The following GRIP1 variants were observed in gnomAD, a reference collection of about 807,000 sequenced individuals.
GRIP1 encodes the protein glutamate receptor-interacting protein 1.
GRIP1 carries 45 observed loss-of-function variants against 129.9 expected under a neutral mutation model. That is an observed-to-expected ratio of 0.35 (90% CI 0.27 to 0.44). GRIP1 has a LOEUF of 0.44. Ranked by LOEUF, GRIP1 falls within the 20% of genes least tolerant of loss-of-function variation. GRIP1 has a pLI of 1.00. For synonymous variants in GRIP1, 530 were observed against 520.8 expected, an observed-to-expected ratio of 1.02 and a Z score of -0.24; for missense variants, 1,196 against 1,396.8, an observed-to-expected ratio of 0.86 and a Z score of 2.29.
At chr12:66,975,871 T>C (rs2042143662) in intron 1 of GRIP1, among the ~76,000 whole-genome samples, 1 of 152,168 alleles carries the variant, frequency 6.6e-6, no homozygotes, top group South Asian at 2.1e-4. Context: ...GCACAGCTGT[T>C]AAGAGCCATG....
intron 1 of GRIP1, among the ~76,000 whole-genome samples, chr12:67,066,681 T>G (rs2043631463): frequency 6.6e-6 from 1 of 151,942 alleles, no homozygotes; most frequent in Admixed American, 6.6e-5. Flanking sequence ...TGTTTATATT[T>G]AAAAGAATCC....
At chr12:66,649,718 T>C (rs953718106) in intron 1 of GRIP1, among the ~76,000 whole-genome samples, 2 of 152,154 alleles carry the variant, frequency 1.3e-5, no homozygotes, top group Non-Finnish European at 2.9e-5. Context: ...GACAGGGTAG[T>C]TAAACTAGGA....
At chr12:66,393,132 T>C (rs554735671) in intron 17 of GRIP1, among the ~76,000 whole-genome samples, 157 of 151,264 alleles carry the variant, frequency 1.0e-3, no homozygotes, top group African/African-American at 3.6e-3. Context: ...GAATGACAAA[T>C]GTAGTGGATA....
chr12:67,049,126 C>T (rs1279295231), intron 1 of GRIP1, among the ~76,000 whole-genome samples: 1 of 152,096 alleles, frequency 6.6e-6, no homozygotes, highest in African/African-American at 2.4e-5. Context: ...CACTCAGAAC[C>T]ATGCACCGTT....
rs1239612176 is a variant in GRIP1 at position 66,377,068 on chromosome 12, A to G, written c.2734-7T>C. On this transcript the variant is annotated splice_region_variant and splice_polypyrimidine_tract_variant and intron_variant, in intron 21 of 24. Transcript: ENST00000359742. ...CACGCCTGTCAGCTTTCTCCTGTGG[A>G]AAGGGTTAAAGCTTTTAAATGAACT... 8 of 1,610,072 alleles carry G rather than the reference A, an allele frequency of 5.0e-6. No individual in the cohort carries two copies. Among genetic ancestry groups the G allele is most frequent in the African/African-American group, 2.7e-5 (2 of 74,966 alleles).
At chr12:67,044,189 A>G (rs1230850392) in intron 1 of GRIP1, among the ~76,000 whole-genome samples, 1 of 152,200 alleles carries the variant, frequency 6.6e-6, no homozygotes. Flanking sequence ...CCAGGGGGAT[A>G]TAGAGGAGTA....
At chr12:66,544,688 A>G (rs1032055069) in intron 2 of GRIP1, among the ~76,000 whole-genome samples, 1 of 152,170 alleles carries the variant, frequency 6.6e-6, no homozygotes, top group East Asian at 1.9e-4. Context: ...GCCAATAAGT[A>G]TCTCTGGTCC....
intron 1 of GRIP1, among the ~76,000 whole-genome samples, chr12:66,691,805 G>A (rs949554535): frequency 3.9e-5 from 6 of 152,116 alleles, no homozygotes; most frequent in South Asian, 2.1e-4. Flanking sequence ...AAATGCAGGC[G>A]CTTAATTGAT....
intron 19 of GRIP1, among the ~76,000 whole-genome samples, chr12:66,390,968 T>A (rs1233935922): frequency 6.6e-6 from 1 of 152,240 alleles, no homozygotes; most frequent in African/African-American, 2.4e-5. Flanking sequence ...TCCAGTATCA[T>A]CTCTAATGAA....
chr12:66,931,054 C>G (rs182971622), intron 1 of GRIP1, among the ~76,000 whole-genome samples: 13 of 152,310 alleles, frequency 8.5e-5, no homozygotes, highest in Admixed American at 8.5e-4. Flanking sequence ...TTGTTCTGCC[C>G]TGTTGTTTTC....
rs202029416 is a variant in GRIP1, at chr12:66,406,394, C to T, written c.1873G>A (p.Ala625Thr). ...TTGTCCAGCCGGATATTATCTATTGCGAGCAATTTATCCCCAAGTTCCAGG... is the reference window on the plus strand; with the variant it reads ...TTGTCCAGCCGGATATTATCTATTGTGAGCAATTTATCCCCAAGTTCCAGG... Reference protein sequence around the residue: ...GTLELGDKLLAIDNIRLDNCS... With the variant: ...GTLELGDKLLTIDNIRLDNCS... The change falls in exon 16 of 25, where the codon GCA becomes ACA. Residue 625 changes from alanine (A) to threonine (T), a missense_variant. Around this residue, in one of 5 missense-constraint regions of GRIP1, gnomAD observed 508 missense variants for 587.0 expected, o/e 0.87. Transcript: ENST00000359742. 1.9e-4 allele frequency: 305 copies of T among 1,613,992 alleles called. No individual in the cohort carries two copies. Among genetic ancestry groups the T allele is most frequent in the African/African-American group, 1.5e-3 (115 of 75,042 alleles).
intron 1 of GRIP1, among the ~76,000 whole-genome samples, chr12:66,736,400 A>C (rs2036603894): frequency 2.4e-5 from 2 of 83,660 alleles, no homozygotes; most frequent in Non-Finnish European, 2.4e-5. Flanking sequence ...TTTAGGATAC[A>C]GGGTCTTGCT....
chr12:66,448,769 A>C (rs1297859295), intron 11 of GRIP1, among the ~76,000 whole-genome samples: 1 of 152,206 alleles, frequency 6.6e-6, no homozygotes. Flanking sequence ...ACTTCTAACT[A>C]GTGACCCTGC....
intron 1 of GRIP1, among the ~76,000 whole-genome samples, chr12:66,781,875 T>C (rs2038172038): frequency 6.6e-6 from 1 of 152,210 alleles, no homozygotes; most frequent in Non-Finnish European, 1.5e-5. Context: ...GCAATATCTA[T>C]CAAAGCTGAA....
rs911982821 is a variant in GRIP1, at chr12:66,712,250, G to A, written c.-419-81914C>T. On this transcript the variant is annotated intron_variant, in intron 1 of 4. Coordinates refer to the GRIP1 transcript ENST00000538373. The stretch of plus-strand genomic sequence containing the variant: ...TTAGTAAATCATTATACAAAAGTAT[G>A]GTACTTTTGGTCAAAGGTAATGGAT... Among the ~76,000 whole-genome samples, 3 of 151,666 alleles carry A rather than the reference G, an allele frequency of 2.0e-5. No homozygotes were observed. The South Asian group carries it at 6.2e-4, about 31-fold the overall frequency.
intron 1 of GRIP1, among the ~76,000 whole-genome samples, chr12:66,809,761 G>A (rs2039068332): frequency 1.3e-5 from 2 of 151,376 alleles, no homozygotes; most frequent in Admixed American, 1.3e-4. Flanking sequence ...TCAGGGTCAA[G>A]CGATCCTCCC....
rs116821031 is a variant in GRIP1 at position 66,947,544 on chromosome 12, G to A, written c.58+121506C>T. 4.7e-3 allele frequency among the ~76,000 whole-genome samples: 722 copies of A among 152,258 alleles called. 7 individuals are homozygous for A. The highest frequency in any genetic ancestry group is 0.016 in the African/African-American group (675 of 41,550). ...TGAAGGAGATGAAAACAGTTGATAC[G>A]GTACATGCTGCTTCATGAGTTTAGC... On this transcript the variant is annotated intron_variant, in intron 1 of 1. Transcript: ENST00000643019.
At chr12:67,001,732 A>G (rs2042553682) in intron 1 of GRIP1, among the ~76,000 whole-genome samples, 1 of 151,396 alleles carries the variant, frequency 6.6e-6, no homozygotes, top group Admixed American at 6.6e-5. Context: ...AGACCCCACC[A>G]CTCACTCTTG....
chr12:66,472,500 G>A (rs2059466292), intron 7 of GRIP1, among the ~76,000 whole-genome samples: 1 of 152,124 alleles, frequency 6.6e-6, no homozygotes, highest in Non-Finnish European at 1.5e-5. Context: ...TGGTCAAAAT[G>A]CTTACAAAAA....
Sources: allele counts gnomAD v4.1 joint callset (sites outside exome capture counted in the v4.1 genomes callset), GRCh38; gene constraint gnomAD v4.1.1; regional missense constraint gnomAD v4.1.1; transcripts MANE v1.5; gene names NCBI Gene and HGNC (gene_info 2026-07-23, HGNC 2026-07-21).